Variants in WDR3 observed in about 807,000 individuals in gnomAD.
WDR3 encodes WD repeat-containing protein 3.
In WDR3, 81 loss-of-function variants were observed where a neutral mutation model predicts 123.7. The observed-to-expected ratio is 0.65, with a 90% CI of 0.55 to 0.79. The LOEUF (loss-of-function observed/expected upper bound fraction) is 0.79. Ranked by LOEUF, WDR3 falls within the 30% of genes least tolerant of loss-of-function variation. WDR3 has a pLI of 0.00. For missense variants in WDR3, 1,027 were observed against 1,123.2 expected (o/e 0.91, Z 1.22); for synonymous variants, 390 against 388.8 (o/e 1.00, Z -0.04).
Position 117,952,393 on chromosome 1 carries a change from C to T in WDR3, c.2001C>T (p.His667=). 6.2e-7 allele frequency: 1 copy of T among 1,612,552 alleles called. No homozygotes were observed. Among genetic ancestry groups the T allele is most frequent in the Non-Finnish European group, 8.5e-7 (1 of 1,179,256 alleles). ...AGTGGGATGCAGACAAATTTGAACA[C>T]ATACAGACTCTGGAGGTAACCACAT... ...IKQWDADKFE[H]IQTLEGHHQE... The change falls in exon 18 of 27, where the codon CAC becomes CAT. Residue 667 remains histidine (H), a synonymous_variant. Transcript: ENST00000349139.
intron 2 of WDR3, 128 bp from the exon 3 acceptor site, chr1:117,934,345 A>C: frequency 1.2e-6 from 1 of 855,074 alleles, no homozygotes; most frequent in Non-Finnish European, 1.8e-6. Flanking sequence ...GTGGAGTTTC[A>C]TTTTTATTCA....
Position 117,931,063 on chromosome 1 carries a change from T to C in WDR3, c.-33+1281T>C, listed in dbSNP as rs781474482. 1.3e-3 allele frequency among the ~76,000 whole-genome samples: 203 copies of C among 152,304 alleles called. 1 individual carries two copies. Among genetic ancestry groups the C allele is most frequent in the Non-Finnish European group, 2.5e-3 (167 of 68,022 alleles). Reference sequence around the variant, plus strand: ...TCTGGACTCAAGTGATCTTTCTGCCTCAGCCTCCCCGAGTGCGTCACCATG... The same window carrying C: ...TCTGGACTCAAGTGATCTTTCTGCCCCAGCCTCCCCGAGTGCGTCACCATG... On this transcript the variant is annotated intron_variant, in intron 1 of 26. Coordinates refer to ENST00000349139, the MANE Select transcript of WDR3 (RefSeq NM_006784.3).
intron 25 of WDR3, 74 bp from the exon 26 acceptor site, chr1:117,958,836 G>C: frequency 1.1e-6 from 1 of 942,368 alleles, no homozygotes; most frequent in South Asian, 2.1e-5. Context: ...TATTGTGTCT[G>C]TTTACTGTTT....
rs753952345 is a variant in WDR3, at chr1:117,942,489, A to C, written c.1042A>C (p.Ser348Arg). Reference protein sequence around the residue: ...EEDPEVNVEMSLQDEIQRVTN... With the variant: ...EEDPEVNVEMRLQDEIQRVTN... The stretch of plus-strand genomic sequence containing the variant: ...AGATCCTGAGGTTAATGTTGAAATG[A>C]GTCTGCAAGATGAAATCCAGCGGGT... Residue 348 changes from serine to arginine, a missense_variant, in exon 10 of 27, where the codon AGT (serine) becomes CGT (arginine). Physicochemically the swap from Ser to Arg is moderately radical, Grantham distance 110. Transcript: ENST00000349139. The C allele has an allele frequency of 6.2e-7, 1 of 1,613,954 alleles. No individual in the cohort carries two copies. The highest frequency in any genetic ancestry group is 1.3e-5 in the African/African-American group (1 of 74,944).
At chr1:117,953,817 T>C (rs2273580) in intron 21 of WDR3, 190 bp from the exon 22 acceptor site, 18,906 of 608,008 alleles carry the variant, frequency 0.031, 811 homozygotes, top group South Asian at 0.11. Context: ...ACTCAGTCTC[T>C]TCCCTGTACA....
At chr1:117,943,024 C>T (rs563693912) in intron 10 of WDR3, among the ~76,000 whole-genome samples, 1 of 151,772 alleles carries the variant, frequency 6.6e-6, no homozygotes, top group South Asian at 2.1e-4. Flanking sequence ...ATGATCTCGG[C>T]TCAGTGCAAC....
intron 25 of WDR3, among the ~76,000 whole-genome samples, chr1:117,958,511 C>T (rs1571045697): frequency 6.6e-6 from 1 of 152,152 alleles, no homozygotes; most frequent in Admixed American, 6.6e-5. Context: ...GAGTTTGAAT[C>T]TCACGAATGT....
intron 24 of WDR3, among the ~76,000 whole-genome samples, chr1:117,956,287 T>C (rs932250279): frequency 6.6e-6 from 1 of 152,182 alleles, no homozygotes; most frequent in East Asian, 1.9e-4. Flanking sequence ...TACTTTATTT[T>C]CTTTGTCATA....
Position 117,946,081 on chromosome 1 carries a change from C to T in WDR3, c.1329-5C>T, listed in dbSNP as rs1651367234. 6.3e-7 allele frequency: 1 copy of T among 1,588,212 alleles called. No homozygotes were observed. Among genetic ancestry groups the T allele is most frequent in the Non-Finnish European group, 8.6e-7 (1 of 1,168,270 alleles). On this transcript the variant is annotated splice_region_variant and splice_polypyrimidine_tract_variant and intron_variant, in intron 11 of 26. Transcript: ENST00000349139. Reference sequence around the variant, plus strand: ...CATGAGTTCTTTATTTTTTCTTTCTCATAGGTCTACACTGCAGTGTATTCG... The same window carrying T: ...CATGAGTTCTTTATTTTTTCTTTCTTATAGGTCTACACTGCAGTGTATTCG...
intron 3 of WDR3, among the ~76,000 whole-genome samples, chr1:117,936,310 A>G (rs959027224): frequency 2.2e-4 from 33 of 152,128 alleles, no homozygotes; most frequent in African/African-American, 7.5e-4. Flanking sequence ...AAATTTGTAT[A>G]TAAGAATGTT....
Position 117,959,442 on chromosome 1 carries a change from A to G in WDR3, c.2827A>G (p.Thr943Ala). The stretch of plus-strand genomic sequence containing the variant: ...GAGGGAGAAGTTGATTCTAACGTTG[A>G]CTTAGAACTGAAATGTGGTATCTTT... ...KKREKLILTLT is the reference protein window; with the variant it reads ...KKREKLILTLA Residue 943 changes from threonine (T) to alanine (A), a missense_variant, in exon 27 of 27, where the codon ACT becomes GCT. Coordinates refer to ENST00000349139, the MANE Select transcript of WDR3 (RefSeq NM_006784.3). The G allele has an allele frequency of 6.2e-7, 1 of 1,602,402 alleles. No homozygotes were observed. The highest frequency in any genetic ancestry group is 1.1e-5 in the South Asian group (1 of 87,614).
At position 117,949,773 on chromosome 1, in the gene WDR3, C is replaced by T; in HGVS notation, c.1547C>T (p.Ala516Val). Residue 516 changes from alanine to valine, a missense_variant, in exon 14 of 27, where the codon GCA becomes GTA. Ala to Val is a moderately conservative substitution (Grantham distance 64). Coordinates refer to ENST00000349139, the MANE Select transcript of WDR3 (RefSeq NM_006784.3). ...PDQRGFVTGG[A>V]DKSVKFWDFE... ...CAGCGTGGCTTTGTGACAGGTGGTGCAGATAAATCTGTCAAATTCTGGGAT... is the reference window on the plus strand; with the variant it reads ...CAGCGTGGCTTTGTGACAGGTGGTGTAGATAAATCTGTCAAATTCTGGGAT... 6.2e-7 allele frequency: 1 copy of T among 1,613,656 alleles called. No individual in the cohort carries two copies. Among genetic ancestry groups the T allele is most frequent in the Non-Finnish European group, 8.5e-7 (1 of 1,179,752 alleles).
chr1:117,936,425 G>T (rs557875091), intron 3 of WDR3, among the ~76,000 whole-genome samples: 5 of 152,128 alleles, frequency 3.3e-5, no homozygotes, highest in African/African-American at 1.2e-4. Flanking sequence ...TATTATGTGA[G>T]CATTAAAAAT....
intron 23 of WDR3, 50 bp downstream of exon 23, chr1:117,954,677 C>T: frequency 6.4e-7 from 1 of 1,566,632 alleles, no homozygotes; most frequent in Non-Finnish European, 8.7e-7. Flanking sequence ...AGGTTACTTA[C>T]AAGGACAAGA....
rs1421277092 is a variant in WDR3, at chr1:117,966,021, TA to T, written c.*6576del. 6.6e-6 allele frequency: 1 copy of T among 152,172 alleles called. No homozygotes were observed. The highest frequency in any genetic ancestry group is 1.5e-5 in the Non-Finnish European group (1 of 68,036). 9.4% of individuals were successfully genotyped at this position (152,172 alleles called of 1,614,324 possible). A position where few individuals can be genotyped will look rare whatever the true frequency, so the allele number is the denominator to read the frequency against. Reference sequence around the variant, plus strand: ...CAAAAATCAAATAAATAGAGAACTGTAACACAAGCAGCACACAATTCATGCC... The same window carrying T: ...CAAAAATCAAATAAATAGAGAACTGTACACAAGCAGCACACAATTCATGCC... On this transcript the variant is annotated 3_prime_UTR_variant, in exon 27 of 27. Coordinates refer to ENST00000349139, the MANE Select transcript of WDR3 (RefSeq NM_006784.3).
At chr1:117,934,721 G>C in intron 3 of WDR3, 39 bp downstream of exon 3, 1 of 1,606,954 alleles carries the variant, frequency 6.2e-7, no homozygotes, top group Admixed American at 1.7e-5. Flanking sequence ...ATCTATTAAA[G>C]GAATGTAAGG....
At chr1:117,957,659 T>A (rs1171467497) in intron 25 of WDR3, among the ~76,000 whole-genome samples, 1 of 152,260 alleles carries the variant, frequency 6.6e-6, no homozygotes. Flanking sequence ...AACACAAATT[T>A]GTAAACTTTA....
chr1:117,952,472 C>A, intron 18 of WDR3, 56 bp from the exon 19 acceptor site: 1 of 1,596,688 alleles, frequency 6.3e-7, no homozygotes, highest in Non-Finnish European at 8.5e-7. Flanking sequence ...ATTTACATTA[C>A]CCACTAAGTA....
At chr1:117,940,791 T>G in intron 6 of WDR3, 36 bp from the exon 7 acceptor site, 1 of 1,544,878 alleles carries the variant, frequency 6.5e-7, no homozygotes, top group Non-Finnish European at 8.9e-7. Context: ...TGGAACATAC[T>G]ATTTCAGCTT....
Sources: allele counts gnomAD v4.1 joint callset (sites outside exome capture counted in the v4.1 genomes callset), GRCh38; gene constraint gnomAD v4.1.1; transcripts MANE v1.5; gene names NCBI Gene and HGNC (gene_info 2026-07-23, HGNC 2026-07-21).